ARHGDIB: variants seen among roughly 807,000 people sequenced by gnomAD.
The protein encoded by ARHGDIB is rho GDP-dissociation inhibitor 2.
A neutral mutation model predicts 22.6 loss-of-function variants in ARHGDIB; 20 were observed. That is an observed-to-expected ratio of 0.88 (90% CI 0.62 to 1.28). The LOEUF is 1.28. ARHGDIB is among the 50% of genes most tolerant of loss of function. The pLI, the probability that ARHGDIB is intolerant of heterozygous loss-of-function variation, is 0.00. For synonymous variants in ARHGDIB, 114 were observed against 96.1 expected, an observed-to-expected ratio of 1.19 and a Z score of -1.09; for missense variants, 254 against 245.4, an observed-to-expected ratio of 1.04 and a Z score of -0.23.
chr12:14,958,043 C>T (rs571981330), intron 1 of ARHGDIB, among the ~76,000 whole-genome samples: 330 of 152,364 alleles, frequency 2.2e-3, no homozygotes, highest in Non-Finnish European at 2.1e-3. Flanking sequence ...TCCCCCAAAT[C>T]GGGCTGTGGG....
chr12:14,954,604 G>C (rs752919129), intron 1 of ARHGDIB, among the ~76,000 whole-genome samples: 11 of 152,264 alleles, frequency 7.2e-5, no homozygotes, highest in Non-Finnish European at 1.5e-4. Flanking sequence ...CAACCACTGC[G>C]GATCTGAGTT....
intron 1 of ARHGDIB, among the ~76,000 whole-genome samples, chr12:14,953,528 A>G (rs1332770192): frequency 6.6e-6 from 1 of 152,196 alleles, no homozygotes; most frequent in Non-Finnish European, 1.5e-5. Context: ...TGGGCAATCT[A>G]ACTATACCAA....
chr12:14,955,503 G>T (rs1006044726), intron 1 of ARHGDIB, among the ~76,000 whole-genome samples: 7 of 152,120 alleles, frequency 4.6e-5, no homozygotes, highest in Non-Finnish European at 1.0e-4. Flanking sequence ...CATAGATAGT[G>T]AAAAGGTTAC....
chr12:14,954,325 G>A (rs1250923947), intron 1 of ARHGDIB, among the ~76,000 whole-genome samples: 2 of 152,216 alleles, frequency 1.3e-5, no homozygotes, highest in Non-Finnish European at 2.9e-5. Flanking sequence ...GTCTCAAGCT[G>A]AGAGTCATGT....
At chr12:14,947,716 A>G (rs1864052291) in intron 4 of ARHGDIB, 157 bp downstream of exon 4, 2 of 622,960 alleles carry the variant, frequency 3.2e-6, no homozygotes, top group African/African-American at 1.8e-5. Flanking sequence ...CTCAACAGGT[A>G]GCCCTCAGGG....
intron 2 of ARHGDIB, among the ~76,000 whole-genome samples, chr12:14,950,157 G>C (rs138883176): frequency 4.6e-5 from 7 of 152,182 alleles, no homozygotes; most frequent in Admixed American, 1.3e-4. Flanking sequence ...CTGCTAATTG[G>C]GCACTGTCCA....
At chr12:14,943,529 G>T (rs1202616127) in intron 5 of ARHGDIB, among the ~76,000 whole-genome samples, 2 of 152,072 alleles carry the variant, frequency 1.3e-5, no homozygotes, top group Admixed American at 1.3e-4. Flanking sequence ...CCATTTCTTT[G>T]TGTATATGAT....
At chr12:14,948,337 C>T (rs1007779300) in intron 3 of ARHGDIB, among the ~76,000 whole-genome samples, 1 of 152,052 alleles carries the variant, frequency 6.6e-6, no homozygotes, top group Non-Finnish European at 1.5e-5. Flanking sequence ...ATGCCCCTTA[C>T]CCCTCAAATA....
At position 14,954,427 on chromosome 12, in the gene ARHGDIB, GC is replaced by G. The variant is rs1467853994; in HGVS notation, c.-12-3704del. Among the ~76,000 whole-genome samples the G allele has an allele frequency of 5.9e-5, 9 of 152,362 alleles. No individual in the cohort carries two copies. In the East Asian group the frequency reaches 1.5e-3, roughly 26 times the overall value. ...CATGACCACAAAGCCTGGCAGAGAA[GC>G]CCAGGTGCACATGGGTGCAGGAAGT... On this transcript the variant is annotated intron_variant, in intron 1 of 5. Transcript: ENST00000228945.
At chr12:14,952,414 T>C (rs1864199088) in intron 1 of ARHGDIB, among the ~76,000 whole-genome samples, 1 of 152,164 alleles carries the variant, frequency 6.6e-6, no homozygotes, top group Non-Finnish European at 1.5e-5. Flanking sequence ...CCAGGTTCAC[T>C]TCCTGTACAG....
chr12:14,958,720 T>A (rs978106126), intron 1 of ARHGDIB, among the ~76,000 whole-genome samples: 5 of 152,246 alleles, frequency 3.3e-5, no homozygotes, highest in Admixed American at 2.6e-4. Context: ...GAGAGAATTT[T>A]TTTTATGACC....
At chr12:14,952,844 C>T (rs966453456) in intron 1 of ARHGDIB, among the ~76,000 whole-genome samples, 1 of 152,182 alleles carries the variant, frequency 6.6e-6, no homozygotes, top group Admixed American at 6.5e-5. Context: ...TAACAAGTCG[C>T]CTGATTGAAT....
At position 14,947,868 on chromosome 12, in the gene ARHGDIB, C is replaced by T. The variant is rs944790915; in HGVS notation, c.342+5G>A. Reference sequence around the variant, plus strand: ...TTACAAAAACACACAAGGCAGGATACTTACTTTGAAGTGAATTTTGACTCT... The same window carrying T: ...TTACAAAAACACACAAGGCAGGATATTTACTTTGAAGTGAATTTTGACTCT... On this transcript the variant is annotated splice_donor_5th_base_variant and intron_variant, in intron 4 of 5. Transcript: ENST00000228945. 1 of 1,600,248 alleles carries T rather than the reference C, an allele frequency of 6.2e-7. No individual in the cohort carries two copies. The highest frequency in any genetic ancestry group is 1.1e-5 in the South Asian group (1 of 90,742).
At chr12:14,950,942 T>C (rs1183788678) in intron 1 of ARHGDIB, 2 of 418,316 alleles carry the variant, frequency 4.8e-6, no homozygotes, top group African/African-American at 2.0e-5. Context: ...TGTACCATTG[T>C]AGTATCTTCT....
intron 1 of ARHGDIB, among the ~76,000 whole-genome samples, chr12:14,952,820 G>A (rs58944464): frequency 0.015 from 2,247 of 152,290 alleles, 45 homozygotes; most frequent in African/African-American, 0.049. Flanking sequence ...TTTCTGAACT[G>A]TATCACTTGG....
chr12:14,956,641 C>T (rs1258343053), intron 1 of ARHGDIB, among the ~76,000 whole-genome samples: 1 of 152,104 alleles, frequency 6.6e-6, no homozygotes. Context: ...TTAATGTGGA[C>T]CCCATTTATT....
At chr12:14,948,641 C>A (rs1031839808) in intron 3 of ARHGDIB, among the ~76,000 whole-genome samples, 1 of 152,190 alleles carries the variant, frequency 6.6e-6, no homozygotes, top group Non-Finnish European at 1.5e-5. Flanking sequence ...TTTCTTCATG[C>A]ATAGCAGCTT....
At chr12:14,948,173 A>G (rs1020218346) in intron 3 of ARHGDIB, among the ~76,000 whole-genome samples, 7 of 151,874 alleles carry the variant, frequency 4.6e-5, no homozygotes, top group Non-Finnish European at 1.0e-4. Flanking sequence ...GTTATGAAAA[A>G]CATGAGAGTT....
At chr12:14,946,412 A>G (rs766470167) in intron 4 of ARHGDIB, among the ~76,000 whole-genome samples, 3 of 152,178 alleles carry the variant, frequency 2.0e-5, no homozygotes, top group Non-Finnish European at 2.9e-5. Context: ...TATAAATGCA[A>G]ACTTTCTTGG....
Sources: allele counts gnomAD v4.1 joint callset (sites outside exome capture counted in the v4.1 genomes callset), GRCh38; gene constraint gnomAD v4.1.1; transcripts MANE v1.5; gene names NCBI Gene and HGNC (gene_info 2026-07-23, HGNC 2026-07-21).